The following GALNTL6 variants were observed in gnomAD, a reference collection of about 807,000 sequenced individuals.
GALNTL6 encodes the protein polypeptide N-acetylgalactosaminyltransferase-like 6.
In GALNTL6, 46 loss-of-function variants were observed where a neutral mutation model predicts 73.7. The observed-to-expected ratio is 0.62, with a 90% confidence interval of 0.49 to 0.80. The LOEUF is 0.80. GALNTL6 is among the 30% of genes least tolerant of loss of function. GALNTL6 has a pLI of 0.00. For synonymous variants in GALNTL6, 259 were observed against 263.7 expected, an observed-to-expected ratio of 0.98 and a Z score of 0.17; for missense variants, 604 against 755.0, an observed-to-expected ratio of 0.80 and a Z score of 2.34.
At chr4:172,680,298 G>T (rs1732558022) in intron 5 of GALNTL6, among the ~76,000 whole-genome samples, 1 of 152,060 alleles carries the variant, frequency 6.6e-6, no homozygotes, top group African/African-American at 2.4e-5. Context: ...ATAAGAAGTG[G>T]CAGAGCTAGA....
At chr4:172,608,493 C>T (rs1738393276) in intron 5 of GALNTL6, among the ~76,000 whole-genome samples, 1 of 152,044 alleles carries the variant, frequency 6.6e-6, no homozygotes, top group Non-Finnish European at 1.5e-5. Context: ...GTCTATATGT[C>T]TGTTTTTGTA....
intron 4 of GALNTL6, among the ~76,000 whole-genome samples, chr4:172,315,289 G>T (rs1236392759): frequency 6.6e-6 from 1 of 152,054 alleles, no homozygotes; most frequent in Non-Finnish European, 1.5e-5. Context: ...TTGAGATGGA[G>T]TTTCACTCTT....
At chr4:172,078,583 T>A (rs987895158) in intron 2 of GALNTL6, among the ~76,000 whole-genome samples, 3 of 152,330 alleles carry the variant, frequency 2.0e-5, no homozygotes, top group Admixed American at 6.5e-5. Context: ...TACATGGATA[T>A]ATCTTAGATA....
chr4:172,476,821 A>G (rs542630623), intron 5 of GALNTL6, among the ~76,000 whole-genome samples: 2 of 152,214 alleles, frequency 1.3e-5, no homozygotes, highest in Non-Finnish European at 2.9e-5. Flanking sequence ...CCAACTGTAA[A>G]ATGCCTGAAT....
intron 2 of GALNTL6, among the ~76,000 whole-genome samples, chr4:172,122,764 G>A (rs1733187175): frequency 6.6e-6 from 1 of 152,194 alleles, no homozygotes; most frequent in Non-Finnish European, 1.5e-5. Context: ...TTTGCTGACT[G>A]TCAGTATCTC....
chr4:172,782,111 C>T (rs1579474340), intron 5 of GALNTL6, among the ~76,000 whole-genome samples: 2 of 152,012 alleles, frequency 1.3e-5, no homozygotes, highest in South Asian at 2.1e-4. Flanking sequence ...TCTCTTAATT[C>T]TTCTCTCATT....
intron 5 of GALNTL6, among the ~76,000 whole-genome samples, chr4:172,637,399 A>T (rs575028456): frequency 5.4e-4 from 82 of 152,316 alleles, no homozygotes; most frequent in African/African-American, 1.9e-3. Flanking sequence ...GGTTTCAACC[A>T]TTCCTGTCAT....
At chr4:173,001,729 C>T (rs942034150) in intron 10 of GALNTL6, among the ~76,000 whole-genome samples, 3 of 152,266 alleles carry the variant, frequency 2.0e-5, no homozygotes, top group Admixed American at 2.0e-4. Flanking sequence ...GGCATTTCTC[C>T]AAACTATACA....
chr4:171,917,249 A>C (rs1737657641), intron 2 of GALNTL6, among the ~76,000 whole-genome samples: 1 of 152,020 alleles, frequency 6.6e-6, no homozygotes, highest in Admixed American at 6.6e-5. Context: ...CCCTTTCCCA[A>C]AACCACAGTG....
intron 2 of GALNTL6, among the ~76,000 whole-genome samples, chr4:172,015,103 T>C (rs1291551369): frequency 6.6e-6 from 1 of 152,162 alleles, no homozygotes; most frequent in Admixed American, 6.6e-5. Flanking sequence ...TCATTGTTTT[T>C]TTGTTGACTT....
At chr4:172,011,284 C>T (rs542426757) in intron 2 of GALNTL6, among the ~76,000 whole-genome samples, 5 of 151,898 alleles carry the variant, frequency 3.3e-5, no homozygotes, top group Admixed American at 3.3e-4. Context: ...CTGAAATTTG[C>T]GGAGGAAGAA....
chr4:172,663,440 C>T (rs907301955), intron 5 of GALNTL6, among the ~76,000 whole-genome samples: 2 of 152,172 alleles, frequency 1.3e-5, no homozygotes, highest in African/African-American at 2.4e-5. Context: ...TACTTGATTT[C>T]CTCTCCTTTC....
intron 5 of GALNTL6, among the ~76,000 whole-genome samples, chr4:172,777,670 G>T (rs1579468367): frequency 6.6e-6 from 1 of 152,166 alleles, no homozygotes; most frequent in East Asian, 1.9e-4. Flanking sequence ...TTCTATTTAT[G>T]ATTTGATATG....
chr4:172,786,867 G>A (rs1245389557), intron 5 of GALNTL6, among the ~76,000 whole-genome samples: 2 of 152,284 alleles, frequency 1.3e-5, no homozygotes, highest in East Asian at 3.9e-4. Flanking sequence ...TAAAATTTAT[G>A]TGCATAAGTA....
intron 2 of GALNTL6, among the ~76,000 whole-genome samples, chr4:171,846,051 A>G (rs973551491): frequency 6.6e-6 from 1 of 152,162 alleles, no homozygotes; most frequent in African/African-American, 2.4e-5. Flanking sequence ...GATAACTGTC[A>G]TATTGCCTTT....
At chr4:172,058,618 C>T (rs1731103425) in intron 2 of GALNTL6, among the ~76,000 whole-genome samples, 1 of 152,034 alleles carries the variant, frequency 6.6e-6, no homozygotes, top group Non-Finnish European at 1.5e-5. Flanking sequence ...TTTCTATTCT[C>T]CTGACTTACT....
At chr4:172,495,017 C>T (rs181640037) in intron 5 of GALNTL6, among the ~76,000 whole-genome samples, 46 of 152,222 alleles carry the variant, frequency 3.0e-4, no homozygotes, top group Non-Finnish European at 5.0e-4. Flanking sequence ...CTCATGGAGG[C>T]GCCTGGTAGC....
In GALNTL6 at chr4:172,206,512, G is replaced by A. The variant is rs117769524; in HGVS notation, c.139-23144G>A. ...GACACTCTTCATGCCAGTAAGATAA[G>A]CTGTTTCAGATAATGATAAGTGATA... On this transcript the variant is annotated intron_variant, in intron 2 of 12. Transcript: ENST00000506823. Among the ~76,000 whole-genome samples the A allele has an allele frequency of 1.9e-4, 29 of 152,208 alleles. No individual in the cohort carries two copies. In the East Asian group the frequency reaches 5.6e-3, roughly 29 times the overall value.
chr4:173,004,175 C>A (rs1305867232), intron 10 of GALNTL6, among the ~76,000 whole-genome samples: 1 of 151,618 alleles, frequency 6.6e-6, no homozygotes, highest in Non-Finnish European at 1.5e-5. Flanking sequence ...CAGAGCAAGA[C>A]CCTATCTCTT....
Sources: gnomAD v4.1 joint callset for allele counts (sites outside exome capture counted in the v4.1 genomes callset) on GRCh38, gnomAD v4.1.1 for gene constraint, MANE v1.5 for transcripts, NCBI Gene and HGNC (gene_info 2026-07-23, HGNC 2026-07-21) for gene names.